FNIP2: variants seen among roughly 807,000 people sequenced by gnomAD.
FNIP2 encodes folliculin interacting protein 2, also known as folliculin-interacting protein 2.
FNIP2 carries 32 observed loss-of-function variants against 108.7 expected under a neutral mutation model. That is an observed-to-expected ratio of 0.29 (90% confidence interval 0.22 to 0.40). The LOEUF (loss-of-function observed/expected upper bound fraction) is 0.40, where lower values mean the gene tolerates loss of function less well. Among genes scored for constraint, FNIP2 ranks in the 10% least tolerant of loss-of-function variants. The probability of loss-of-function intolerance (pLI) is 1.00; values close to 1 mark genes in which losing one functional copy is unlikely to be tolerated. For missense variants in FNIP2, 1,202 were observed against 1,381.6 expected (o/e 0.87, Z 2.06); for synonymous variants, 480 against 496.7 (o/e 0.97, Z 0.45).
intron 15 of FNIP2, among the ~76,000 whole-genome samples, chr4:158,892,286 G>A (rs188260859): frequency 1.3e-5 from 2 of 151,842 alleles, no homozygotes; most frequent in Non-Finnish European, 2.9e-5. Flanking sequence ...AGAGGCATGT[G>A]CCACCATGCC....
At chr4:158,848,758 T>C (rs1488666371) in intron 7 of FNIP2, among the ~76,000 whole-genome samples, 2 of 152,192 alleles carry the variant, frequency 1.3e-5, no homozygotes, top group Admixed American at 1.3e-4. Context: ...CTATCAGATA[T>C]ATTTAATGAA....
chr4:158,801,535 GC>G, intron 1 of FNIP2, among the ~76,000 whole-genome samples: 1 of 152,282 alleles, frequency 6.6e-6, no homozygotes, highest in Middle Eastern at 3.4e-3. Flanking sequence ...TGGATTTAAG[GC>G]CTGGCTCTGC....
In FNIP2 at chr4:158,891,454, C is replaced by T; in HGVS notation, c.2958C>T (p.Val986=). ...ADLVHTVHHP[V]LDEPIAEAVC... ...TTGTGTTTCTTTTTCAGCATCCAGT[C>T]CTGGATGAGCCAATAGCTGAAGCTG... Residue 986 remains valine, a synonymous_variant, in exon 15 of 17, where the codon GTC becomes GTT. Coordinates refer to ENST00000264433, the MANE Select transcript of FNIP2 (RefSeq NM_020840.3). 2 of 1,598,064 alleles carry T rather than the reference C, an allele frequency of 1.3e-6. No homozygotes were observed. Among genetic ancestry groups the T allele is most frequent in the Non-Finnish European group, 1.7e-6 (2 of 1,171,744 alleles).
At chr4:158,830,620 C>T (rs193006225) in intron 3 of FNIP2, among the ~76,000 whole-genome samples, 102 of 152,240 alleles carry the variant, frequency 6.7e-4, no homozygotes, top group African/African-American at 2.5e-3. Context: ...TGTATTTGTG[C>T]GTCAGCGTAT....
At chr4:158,769,393 T>G (rs1319246455) in intron 1 of FNIP2, 74 bp downstream of exon 1, 3 of 1,060,808 alleles carry the variant, frequency 2.8e-6, no homozygotes, top group Non-Finnish European at 3.8e-6. Flanking sequence ...AGGGGACGGG[T>G]AGGGGAAAGG....
At chr4:158,817,390 T>G (rs1374166689) in intron 1 of FNIP2, among the ~76,000 whole-genome samples, 1 of 152,224 alleles carries the variant, frequency 6.6e-6, no homozygotes, top group Non-Finnish European at 1.5e-5. Flanking sequence ...ATAATGTAGG[T>G]TAATTCATTA....
At chr4:158,806,134 A>C in intron 1 of FNIP2, 1 of 1,206,644 alleles carries the variant, frequency 8.3e-7, no homozygotes, top group South Asian at 1.5e-5. Context: ...ATGATTGTTT[A>C]GAACTGCTGG....
intron 7 of FNIP2, among the ~76,000 whole-genome samples, chr4:158,845,854 A>G (rs1021592082): frequency 6.6e-6 from 1 of 152,244 alleles, no homozygotes; most frequent in South Asian, 2.1e-4. Context: ...TTGATGAGGA[A>G]ACGCTGGATA....
intron 15 of FNIP2, among the ~76,000 whole-genome samples, chr4:158,895,497 T>C (rs1782589880): frequency 6.6e-6 from 1 of 152,190 alleles, no homozygotes; most frequent in South Asian, 2.1e-4. Flanking sequence ...ATGAAAAAAA[T>C]ACTTGTTTAA....
At chr4:158,903,669 T>C (rs1410935557) in intron 16 of FNIP2, among the ~76,000 whole-genome samples, 1 of 152,198 alleles carries the variant, frequency 6.6e-6, no homozygotes, top group East Asian at 1.9e-4. Context: ...CTGTGCACTC[T>C]GAAATCAGAT....
intron 14 of FNIP2, chr4:158,871,433 G>A (rs1251510908): frequency 2.0e-6 from 2 of 985,178 alleles, no homozygotes; most frequent in Non-Finnish European, 2.4e-6. Flanking sequence ...GGAACAAAAG[G>A]CATTGCATGT....
chr4:158,778,255 C>A (rs377250205), intron 1 of FNIP2, among the ~76,000 whole-genome samples: 1 of 152,206 alleles, frequency 6.6e-6, no homozygotes, highest in African/African-American at 2.4e-5. Context: ...CTACAATAGT[C>A]TTCCCTTATC....
At chr4:158,852,173 A>G (rs1220177151) in intron 8 of FNIP2, among the ~76,000 whole-genome samples, 1 of 152,254 alleles carries the variant, frequency 6.6e-6, no homozygotes, top group African/African-American at 2.4e-5. Flanking sequence ...AAGATGGTAC[A>G]TGATAAATAT....
At position 158,769,227 on chromosome 4, in the gene FNIP2, G is replaced by A. The variant is rs1775608163; in HGVS notation, c.15G>A (p.Leu5=). The part of the protein sequence containing the change: MAPT[L]LQKLFNKRGS... ...GCGGCGGCATCATGGCCCCGACCCT[G>A]CTCCAGAAGCTCTTCAACAAAAGGG... Residue 5 remains leucine (L), a synonymous_variant, in exon 1 of 17, where the codon CTG becomes CTA. Coordinates refer to ENST00000264433, the MANE Select transcript of FNIP2 (RefSeq NM_020840.3). 13 of 1,502,750 alleles carry A rather than the reference G, an allele frequency of 8.7e-6. No homozygotes were observed. Among genetic ancestry groups the A allele is most frequent in the African/African-American group, 1.4e-5 (1 of 69,696 alleles). The allele number at this position is 1,502,750 out of a possible 1,614,324, so 93.1% of individuals were successfully genotyped here. A position where few individuals can be genotyped will look rare whatever the true frequency, so the allele number is the denominator to read the frequency against.
chr4:158,822,434 C>A (rs1777937075), intron 1 of FNIP2, among the ~76,000 whole-genome samples: 1 of 152,152 alleles, frequency 6.6e-6, no homozygotes, highest in South Asian at 2.1e-4. Context: ...CTCGGTCTCC[C>A]AAAGTCCTGG....
intron 8 of FNIP2, among the ~76,000 whole-genome samples, chr4:158,853,647 A>G (rs998162631): frequency 2.0e-5 from 3 of 152,210 alleles, no homozygotes; most frequent in African/African-American, 7.2e-5. Flanking sequence ...TGTCCTTGCG[A>G]TAGTTTGCTC....
intron 1 of FNIP2, chr4:158,806,516 T>C (rs1386805953): frequency 4.4e-6 from 4 of 916,686 alleles, no homozygotes; most frequent in Non-Finnish European, 5.9e-6. Context: ...CTGAAAGTTG[T>C]TGTTTCTCAT....
chr4:158,814,967 C>A (rs1777480988), intron 1 of FNIP2, among the ~76,000 whole-genome samples: 1 of 152,192 alleles, frequency 6.6e-6, no homozygotes, highest in African/African-American at 2.4e-5. Flanking sequence ...TTGTAGTCCT[C>A]ATCTTTGTTG....
intron 12 of FNIP2, among the ~76,000 whole-genome samples, chr4:158,866,068 A>G (rs1055782465): frequency 3.4e-5 from 5 of 149,088 alleles, no homozygotes; most frequent in African/African-American, 5.0e-5. Flanking sequence ...TTTATCTAGT[A>G]TATGCCCTTA....
Sources: gnomAD v4.1 joint callset for allele counts (sites outside exome capture counted in the v4.1 genomes callset) on GRCh38, gnomAD v4.1.1 for gene constraint, MANE v1.5 for transcripts, NCBI Gene and HGNC (gene_info 2026-07-23, HGNC 2026-07-21) for gene names.